The following TMED10 variants were observed in gnomAD, a reference collection of about 807,000 sequenced individuals.
The protein encoded by TMED10 is transmembrane p24 trafficking protein 10, also known as transmembrane emp24 domain-containing protein 10.
TMED10 carries 7 observed loss-of-function variants against 23.1 expected under a neutral mutation model. The ratio of observed to expected loss-of-function variants is 0.30; its 90% CI spans 0.17 to 0.57. The LOEUF is 0.57. TMED10 is among the 20% of genes least tolerant of loss of function. The probability of loss-of-function intolerance (pLI) is 0.91; values close to 1 mark genes in which losing one functional copy is unlikely to be tolerated. For synonymous variants in TMED10, 113 were observed against 106.9 expected (o/e 1.06, Z -0.35); for missense variants, 162 against 274.8 (o/e 0.59, Z 2.90).
At chr14:75,150,011 G>C (rs1895937022) in intron 2 of TMED10, among the ~76,000 whole-genome samples, 1 of 152,180 alleles carries the variant, frequency 6.6e-6, no homozygotes, top group South Asian at 2.1e-4. Flanking sequence ...GCTGAGGCAT[G>C]AGAATCACTT....
At chr14:75,151,214 T>C (rs1286248287) in intron 2 of TMED10, among the ~76,000 whole-genome samples, 3 of 150,310 alleles carry the variant, frequency 2.0e-5, no homozygotes, top group Non-Finnish European at 4.4e-5. Context: ...CAGTTTTTTT[T>C]GTTGTTGTTG....
chr14:75,151,960 G>A, intron 2 of TMED10, 72 bp downstream of exon 2: 1 of 1,270,920 alleles, frequency 7.9e-7, no homozygotes, highest in Non-Finnish European at 1.1e-6. Flanking sequence ...TAGATATTAA[G>A]TGCTGACTGT....
rs200729266 is a variant in TMED10 at position 75,167,250 on chromosome 14, ATTCT to A, written c.225+9101_225+9104del. Among the ~76,000 whole-genome samples, 1,329 of 152,140 alleles carry A rather than the reference ATTCT, an allele frequency of 8.7e-3. 27 individuals are homozygous for A. The highest frequency in any genetic ancestry group is 0.031 in the African/African-American group (1,267 of 41,514). On this transcript the variant is annotated intron_variant, in intron 1 of 4. Coordinates refer to ENST00000303575, the MANE Select transcript of TMED10 (RefSeq NM_006827.6). ...CCACCACGCCCAGCCGAAGCATCCT[ATTCT>A]TTCTCCTTGTCAGCACAGAACAGAC...
At chr14:75,135,254 T>C (rs1047005266) in intron 4 of TMED10, among the ~76,000 whole-genome samples, 7 of 152,002 alleles carry the variant, frequency 4.6e-5, no homozygotes, top group Non-Finnish European at 8.8e-5. Context: ...ATCGAGACCA[T>C]CCTGGCTAAC....
chr14:75,147,812 C>G, intron 2 of TMED10, 75 bp from the exon 3 acceptor site: 1 of 1,260,006 alleles, frequency 7.9e-7, no homozygotes, highest in South Asian at 1.3e-5. Flanking sequence ...CCCGCCCGCC[C>G]TCCCTCTACA....
intron 1 of TMED10, among the ~76,000 whole-genome samples, chr14:75,158,981 CA>C (rs531122986): frequency 2.3e-3 from 348 of 152,108 alleles, no homozygotes; most frequent in African/African-American, 8.2e-3. Flanking sequence ...ACATATCAGT[CA>C]AAAAGGTCTG....
intron 1 of TMED10, 99 bp from the exon 2 acceptor site, chr14:75,152,242 T>C (rs993966941): frequency 1.3e-5 from 12 of 902,208 alleles, no homozygotes; most frequent in Non-Finnish European, 2.0e-5. Flanking sequence ...GAAAGACAAT[T>C]GATAGTTCTC....
At chr14:75,141,695 C>T (rs1355139074) in intron 3 of TMED10, among the ~76,000 whole-genome samples, 1 of 152,088 alleles carries the variant, frequency 6.6e-6, no homozygotes, top group Non-Finnish European at 1.5e-5. Context: ...TCTGTAAGTA[C>T]TAGAAATTTA....
At chr14:75,174,858 T>C (rs549603879) in intron 1 of TMED10, among the ~76,000 whole-genome samples, 1 of 152,002 alleles carries the variant, frequency 6.6e-6, no homozygotes, top group East Asian at 1.9e-4. Context: ...CTGGCCAACA[T>C]GGTGAACCGT....
chr14:75,147,827 C>T (rs1895907668), intron 2 of TMED10, 90 bp from the exon 3 acceptor site: 3 of 1,217,880 alleles, frequency 2.5e-6, no homozygotes, highest in South Asian at 1.3e-5. Context: ...TCTACAGAAC[C>T]CCTACCCTCT....
Position 75,131,917 on chromosome 14 carries a change from G to C in TMED10, c.*2968C>G, listed in dbSNP as rs1895689962. 6.6e-6 allele frequency: 1 copy of C among 152,374 alleles called. No individual in the cohort carries two copies. The highest frequency in any genetic ancestry group is 2.4e-5 in the African/African-American group (1 of 41,442). The allele number at this position is 152,374 out of a possible 1,614,324, so 9.4% of individuals were successfully genotyped here. A position where few individuals can be genotyped will look rare whatever the true frequency, so the allele number is the denominator to read the frequency against. ...TTTAGGGTCACACTTGGGAACAAAAGCATCAACGAAATAAAATATTCTCTT... is the reference window on the plus strand; with the variant it reads ...TTTAGGGTCACACTTGGGAACAAAACCATCAACGAAATAAAATATTCTCTT... On this transcript the variant is annotated 3_prime_UTR_variant, in exon 5 of 5. Coordinates refer to ENST00000303575, the MANE Select transcript of TMED10 (RefSeq NM_006827.6).
At chr14:75,154,501 A>C (rs1216161691) in intron 1 of TMED10, among the ~76,000 whole-genome samples, 1 of 151,420 alleles carries the variant, frequency 6.6e-6, no homozygotes, top group Non-Finnish European at 1.5e-5. Flanking sequence ...AAAATTGATA[A>C]TAACTAAAGA....
At chr14:75,158,910 G>A (rs756211387) in intron 1 of TMED10, among the ~76,000 whole-genome samples, 1 of 152,038 alleles carries the variant, frequency 6.6e-6, no homozygotes, top group Non-Finnish European at 1.5e-5. Flanking sequence ...GGCAACAAGA[G>A]TGAAATTCCG....
At position 75,134,031 on chromosome 14, in the gene TMED10, A is replaced by C; in HGVS notation, c.*854T>G. 5.1e-6 allele frequency: 1 copy of C among 197,798 alleles called. No individual in the cohort carries two copies. The highest frequency in any genetic ancestry group is 1.0e-5 in the Non-Finnish European group (1 of 95,406). 12.3% of individuals were successfully genotyped at this position (197,798 alleles called of 1,614,324 possible). A position where few individuals can be genotyped will look rare whatever the true frequency, so the allele number is the denominator to read the frequency against. ...TTCTGTATGATTCCATTCATACAAC[A>C]TTCTTGAAATGACAAAATTACAGAG... On this transcript the variant is annotated 3_prime_UTR_variant, in exon 5 of 5. Transcript: ENST00000303575.
At chr14:75,163,532 GAC>G (rs1896110578) in intron 1 of TMED10, among the ~76,000 whole-genome samples, 2 of 129,390 alleles carry the variant, frequency 1.5e-5, no homozygotes, top group Admixed American at 1.8e-4. Context: ...CAGCCTGGGC[GAC>G]AGAGTGAGAC....
chr14:75,149,602 C>T (rs538090208), intron 2 of TMED10, among the ~76,000 whole-genome samples: 2 of 152,150 alleles, frequency 1.3e-5, no homozygotes, highest in African/African-American at 4.8e-5. Context: ...ATGCAAAGCA[C>T]TGTAAAAGTT....
rs1159306208 is a variant in TMED10 at position 75,174,813 on chromosome 14, C to T, written c.225+1542G>A. On this transcript the variant is annotated intron_variant, in intron 1 of 4. Coordinates refer to ENST00000303575, the MANE Select transcript of TMED10 (RefSeq NM_006827.6). ...ATCCCAGCACTTTGGGAGGCCGAGG[C>T]GGGCAGATCACGAGGTCAAGAGATC... Among the ~76,000 whole-genome samples the T allele has an allele frequency of 2.6e-5, 4 of 152,016 alleles. No homozygotes were observed. The South Asian group carries it at 6.2e-4, about 24-fold the overall frequency.
At chr14:75,147,275 G>GC (rs1272876345) in intron 3 of TMED10, among the ~76,000 whole-genome samples, 2 of 146,148 alleles carry the variant, frequency 1.4e-5, no homozygotes, top group Non-Finnish European at 1.5e-5. Context: ...TGCAGCCTCT[G>GC]CCCCCCAGGT....
intron 3 of TMED10, among the ~76,000 whole-genome samples, chr14:75,142,145 G>A (rs529691446): frequency 6.6e-6 from 1 of 152,308 alleles, no homozygotes; most frequent in South Asian, 2.1e-4. Flanking sequence ...CTGGAAGCAT[G>A]AGGTATGTTT....
Sources: allele counts gnomAD v4.1 joint callset (sites outside exome capture counted in the v4.1 genomes callset), GRCh38; gene constraint gnomAD v4.1.1; transcripts MANE v1.5; gene names NCBI Gene and HGNC (gene_info 2026-07-23, HGNC 2026-07-21).